PRTFDC1: variants seen among roughly 807,000 people sequenced by gnomAD.
PRTFDC1 encodes phosphoribosyl transferase domain containing 1.
In PRTFDC1, 38 loss-of-function variants were observed where a neutral mutation model predicts 34.6. The ratio of observed to expected loss-of-function variants is 1.10; its 90% CI spans 0.85 to 1.44. The LOEUF (loss-of-function observed/expected upper bound fraction) is 1.44, where lower values mean the gene tolerates loss of function less well. Ranked by LOEUF, PRTFDC1 falls within the 40% of genes most tolerant of loss-of-function variation. PRTFDC1 has a pLI of 0.00. For synonymous variants in PRTFDC1, 93 were observed against 98.1 expected (o/e 0.95, Z 0.31); for missense variants, 270 against 283.0 (o/e 0.95, Z 0.33).
intron 3 of PRTFDC1, among the ~76,000 whole-genome samples, chr10:24,877,233 C>T (rs976724343): frequency 6.6e-6 from 1 of 152,012 alleles, no homozygotes; most frequent in Non-Finnish European, 1.5e-5. Flanking sequence ...TTGGGTCTCA[C>T]TATTTTGGTC....
At chr10:24,925,345 A>ATCC (rs1848853601) in intron 3 of PRTFDC1, among the ~76,000 whole-genome samples, 1 of 152,172 alleles carries the variant, frequency 6.6e-6, no homozygotes, top group Non-Finnish European at 1.5e-5. Flanking sequence ...TGGCGGAGGG[A>ATCC]TAGCATTAGG....
intron 3 of PRTFDC1, among the ~76,000 whole-genome samples, chr10:24,929,380 C>T (rs902131849): frequency 3.3e-5 from 5 of 152,154 alleles, no homozygotes; most frequent in Non-Finnish European, 7.3e-5. Flanking sequence ...CAGGGGCCCA[C>T]ATCCCCTGTG....
intron 3 of PRTFDC1, among the ~76,000 whole-genome samples, chr10:24,898,302 A>G (rs1848399900): frequency 6.6e-6 from 1 of 151,006 alleles, no homozygotes; most frequent in South Asian, 2.1e-4. Flanking sequence ...AAAAAAAAAA[A>G]AAAACACAAA....
intron 3 of PRTFDC1, among the ~76,000 whole-genome samples, chr10:24,872,806 A>ATTTT (rs66588467): frequency 1.2e-4 from 14 of 117,644 alleles, no homozygotes; most frequent in African/African-American, 3.9e-4. Flanking sequence ...ATATATATAT[A>ATTTT]TTTTTTTTTT....
intron 3 of PRTFDC1, among the ~76,000 whole-genome samples, chr10:24,897,845 C>G (rs1448716942): frequency 6.6e-6 from 1 of 152,182 alleles, no homozygotes; most frequent in Non-Finnish European, 1.5e-5. Flanking sequence ...GTCTCAAAAG[C>G]TTTCAAAGTG....
intron 3 of PRTFDC1, among the ~76,000 whole-genome samples, chr10:24,876,723 C>T (rs7914909): frequency 0.86 from 130,228 of 151,888 alleles, 56,112 homozygotes; most frequent in African/African-American, 0.94. Context: ...ATTTATTTTA[C>T]TTTTTTATAG....
At chr10:24,882,632 A>C (rs547015793) in intron 3 of PRTFDC1, among the ~76,000 whole-genome samples, 1 of 152,220 alleles carries the variant, frequency 6.6e-6, no homozygotes, top group East Asian at 1.9e-4. Context: ...TTATTTTATT[A>C]TCTCAGTTCC....
chr10:24,879,499 A>G (rs1169746355), intron 3 of PRTFDC1, among the ~76,000 whole-genome samples: 1 of 152,084 alleles, frequency 6.6e-6, no homozygotes, highest in Non-Finnish European at 1.5e-5. Context: ...GCGTGCCACC[A>G]TGCCCGGCTG....
rs113927017 is a variant in PRTFDC1, at chr10:24,884,036, T to C, written c.340-11973A>G. Among the ~76,000 whole-genome samples the C allele has an allele frequency of 2.7e-3, 408 of 152,090 alleles. 1 individual carries two copies. The highest frequency in any genetic ancestry group is 9.4e-3 in the African/African-American group (390 of 41,492). On this transcript the variant is annotated intron_variant, in intron 3 of 8. Transcript: ENST00000320152. ...TTAGTAGAGACAGGGTTTGCCATAT[T>C]GGCCAGGCTACTTTAGAACTCCTGA...
rs528010820 is a variant in PRTFDC1 at position 24,926,616 on chromosome 10, C to T, written c.339+10568G>A. ...TGCCTGTCTCGGCCTCCCAAAGTGC[C>T]GGGATTACAGGCATGAGCCACTGCG... On this transcript the variant is annotated intron_variant, in intron 3 of 8. Transcript: ENST00000320152. Among the ~76,000 whole-genome samples, 394 of 152,298 alleles carry T rather than the reference C, an allele frequency of 2.6e-3. 1 individual carries two copies. The highest frequency in any genetic ancestry group is 8.2e-3 in the African/African-American group (342 of 41,572).
chr10:24,868,936 C>T (rs548122338), intron 4 of PRTFDC1, among the ~76,000 whole-genome samples: 42 of 152,090 alleles, frequency 2.8e-4, no homozygotes, highest in East Asian at 1.7e-3. Context: ...TATGTATTTA[C>T]GGAGTACATG....
chr10:24,889,010 A>G (rs1848216855), intron 3 of PRTFDC1, among the ~76,000 whole-genome samples: 1 of 152,056 alleles, frequency 6.6e-6, no homozygotes, highest in Non-Finnish European at 1.5e-5. Context: ...TATGGTCTGA[A>G]TGTTTGTTAC....
intron 4 of PRTFDC1, among the ~76,000 whole-genome samples, chr10:24,863,356 C>T (rs1394856311): frequency 1.3e-5 from 2 of 152,202 alleles, no homozygotes; most frequent in Non-Finnish European, 2.9e-5. Context: ...AACATGCTTA[C>T]AGCATGGTTT....
chr10:24,863,045 T>A (rs1257268231), intron 4 of PRTFDC1, among the ~76,000 whole-genome samples: 2 of 151,404 alleles, frequency 1.3e-5, no homozygotes, highest in East Asian at 3.9e-4. Context: ...CCCAGCTAAT[T>A]TTTTTGTATT....
intron 3 of PRTFDC1, among the ~76,000 whole-genome samples, chr10:24,931,304 C>T (rs1816854428): frequency 6.6e-6 from 1 of 151,918 alleles, no homozygotes; most frequent in Non-Finnish European, 1.5e-5. Context: ...AATCTATGAA[C>T]TCAACTTTCA....
At chr10:24,882,505 G>C (rs1230256602) in intron 3 of PRTFDC1, among the ~76,000 whole-genome samples, 5 of 152,126 alleles carry the variant, frequency 3.3e-5, no homozygotes, top group African/African-American at 1.2e-4. Flanking sequence ...GCGCATGTTA[G>C]CTGCATTTTT....
chr10:24,888,216 A>G (rs1261286874), intron 3 of PRTFDC1, among the ~76,000 whole-genome samples: 1 of 152,050 alleles, frequency 6.6e-6, no homozygotes, highest in Non-Finnish European at 1.5e-5. Context: ...GGGACTTTAC[A>G]CCTATCTCCT....
intron 3 of PRTFDC1, among the ~76,000 whole-genome samples, chr10:24,918,474 A>T (rs10828724): frequency 2.0e-5 from 3 of 151,932 alleles, no homozygotes; most frequent in Admixed American, 6.6e-5. Context: ...GCTACAGTAC[A>T]GTAAGGATTA....
At chr10:24,920,916 C>G (rs186602240) in intron 3 of PRTFDC1, among the ~76,000 whole-genome samples, 1 of 152,156 alleles carries the variant, frequency 6.6e-6, no homozygotes, top group Admixed American at 6.5e-5. Flanking sequence ...AAATTACTAA[C>G]AATTCTGTTA....
Sources: allele counts gnomAD v4.1 joint callset (sites outside exome capture counted in the v4.1 genomes callset), GRCh38; gene constraint gnomAD v4.1.1; transcripts MANE v1.5; gene names NCBI Gene and HGNC (gene_info 2026-07-23, HGNC 2026-07-21).